Variants in TGM2 observed in about 807,000 individuals in gnomAD.
The protein encoded by TGM2 is protein-glutamine gamma-glutamyltransferase 2.
Under a neutral mutation model 75.6 loss-of-function variants are expected in TGM2, and 53 were observed. That is an observed-to-expected ratio of 0.70 (90% CI 0.56 to 0.88). TGM2 has a LOEUF of 0.88. Ranked by LOEUF, TGM2 falls within the 40% of genes least tolerant of loss-of-function variation. The probability of loss-of-function intolerance (pLI) is 0.00; values close to 1 mark genes in which losing one functional copy is unlikely to be tolerated. For missense variants in TGM2, 842 were observed against 928.5 expected (o/e 0.91, Z 1.21); for synonymous variants, 374 against 381.1 (o/e 0.98, Z 0.22).
chr20:38,132,835 G>A, intron 10 of TGM2: 1 of 471,602 alleles, frequency 2.1e-6, no homozygotes, highest in Non-Finnish European at 4.2e-6. Flanking sequence ...CACTCCTAAG[G>A]CTGTGGGAGG....
At chr20:38,167,248 C>G (rs1854758654), upstream of TGM2, among the ~76,000 whole-genome samples, 1 of 152,150 alleles carries the variant, frequency 6.6e-6, no homozygotes, top group South Asian at 2.1e-4. Flanking sequence ...TAGCCCTGCC[C>G]CAGATGAAAG....
intron 6 of TGM2, 97 bp from the exon 7 acceptor site, chr20:38,142,296 C>T: frequency 1.3e-6 from 2 of 1,572,794 alleles, no homozygotes; most frequent in Non-Finnish European, 1.7e-6. Flanking sequence ...AACACTGTAC[C>T]TGCTGTCCAA....
At chr20:38,146,100 C>T (rs16987159) in intron 6 of TGM2, 7,024 of 157,240 alleles carry the variant, frequency 0.045, 445 homozygotes, top group African/African-American at 0.15. Context: ...CAACAATCAT[C>T]GACATTTTCT....
chr20:38,156,046 T>G lies in TGM2; in HGVS notation c.234A>C (p.Pro78=). 1 of 1,613,788 alleles carries G rather than the reference T, an allele frequency of 6.2e-7. No homozygotes were observed. Among genetic ancestry groups the G allele is most frequent in the South Asian group, 1.1e-5 (1 of 90,954 alleles). The change falls in exon 3 of 13, where the codon CCA becomes CCC. Residue 78 remains proline (P), a synonymous_variant. Transcript: ENST00000361475. ...CACCCTCCTCCACAGCATCTCTTAG[T>G]GGAAAACGGGCCTTGGTCCCGGCCT... is the stretch of plus-strand genomic sequence containing the variant. ...SQEAGTKARF[P]LRDAVEEGDW...
At chr20:38,165,700 A>ACGCG (rs1555811740), upstream of TGM2, among the ~76,000 whole-genome samples, 1 of 147,918 alleles carries the variant, frequency 6.8e-6, no homozygotes, top group African/African-American at 2.5e-5. Flanking sequence ...ACACACACAC[A>ACGCG]CGCACACACT....
chr20:38,130,982 G>A (rs1405487104), intron 12 of TGM2, 111 bp downstream of exon 12: 58 of 1,538,952 alleles, frequency 3.8e-5, no homozygotes, highest in Non-Finnish European at 4.9e-5. Context: ...CTGTGTGGGA[G>A]ATGAGAGGAG....
intron 6 of TGM2, 104 bp downstream of exon 6, chr20:38,146,613 G>T: frequency 7.3e-7 from 1 of 1,372,384 alleles, no homozygotes; most frequent in Non-Finnish European, 1.0e-6. Context: ...TGAGAGTGTT[G>T]GTGGCAGGGG....
chr20:38,141,560 A>G (rs1241791739), intron 7 of TGM2, among the ~76,000 whole-genome samples, 175 bp from the exon 8 acceptor site: 1 of 149,152 alleles, frequency 6.7e-6, no homozygotes, highest in Non-Finnish European at 1.5e-5. Flanking sequence ...ATCTCACAGC[A>G]CCCTCTCTAG....
intron 1 of TGM2, 35 bp downstream of exon 1, chr20:38,165,154 C>T: frequency 6.2e-7 from 1 of 1,613,938 alleles, no homozygotes; most frequent in Admixed American, 1.7e-5. Context: ...GCCCCGGGGC[C>T]CCTGAGTGGC....
intron 3 of TGM2, among the ~76,000 whole-genome samples, chr20:38,151,656 G>T (rs1261096818): frequency 6.6e-6 from 1 of 152,214 alleles, no homozygotes; most frequent in Non-Finnish European, 1.5e-5. Context: ...GCCAAGAAAG[G>T]GTTCCTGCAG....
intron 4 of TGM2, among the ~76,000 whole-genome samples, chr20:38,149,620 A>G (rs1224036110): frequency 2.1e-5 from 3 of 142,682 alleles, no homozygotes; most frequent in African/African-American, 7.8e-5. Context: ...CAGATCTTGT[A>G]GTGAGCCGAG....
chr20:38,131,906 C>T (rs940403504), intron 11 of TGM2, among the ~76,000 whole-genome samples: 8 of 152,098 alleles, frequency 5.3e-5, no homozygotes, highest in Middle Eastern at 3.4e-3. Context: ...ATTATTAACC[C>T]CATGTTACAG....
At position 38,165,240 on chromosome 20, in the gene TGM2, C is replaced by A. The variant is rs150349694; in HGVS notation, c.-42G>T. On this transcript the variant is annotated 5_prime_UTR_variant, in exon 1 of 13. Coordinates refer to ENST00000361475, the MANE Select transcript of TGM2 (RefSeq NM_004613.4). ...TGGCTCCTTCCACTGGCGGCGAGAC[C>A]CTCCAAGTGCGACCACTGGCGGCTG... 3.2e-4 allele frequency: 515 copies of A among 1,611,782 alleles called. 3 individuals carry two copies. In the African/African-American group the frequency reaches 6.5e-3, roughly 20 times the overall value.
intron 10 of TGM2, among the ~76,000 whole-genome samples, chr20:38,135,368 C>A (rs1039647698): frequency 4.0e-5 from 6 of 150,588 alleles, no homozygotes; most frequent in Admixed American, 1.3e-4. Context: ...TCAATATATC[C>A]GTGTAACAAA....
At chr20:38,130,930 C>T (rs748194692) in intron 12 of TGM2, among the ~76,000 whole-genome samples, 163 bp downstream of exon 12, 9 of 152,126 alleles carry the variant, frequency 5.9e-5, no homozygotes, top group Admixed American at 3.3e-4. Context: ...GAGAATGTGA[C>T]GGTGGGAACT....
At chr20:38,148,512 C>T (rs550962575) in intron 4 of TGM2, among the ~76,000 whole-genome samples, 16 of 152,272 alleles carry the variant, frequency 1.1e-4, no homozygotes, top group Non-Finnish European at 1.8e-4. Context: ...TCAGCCCCCT[C>T]GTCCCCCTCC....
In TGM2 at chr20:38,128,967, G is replaced by A. The variant is rs2122833894; in HGVS notation, c.*1252C>T. ...GCGGGCAGGCTCATGGGTAGAGCAG[G>A]GGTGTCCAGGGCTCTTCTCCCCTAG... On this transcript the variant is annotated 3_prime_UTR_variant, in exon 13 of 13. Transcript: ENST00000361475. 6.6e-6 allele frequency: 1 copy of A among 152,652 alleles called. No individual in the cohort carries two copies. Among genetic ancestry groups the A allele is most frequent in the South Asian group, 2.1e-4 (1 of 4,834 alleles). 9.5% of individuals were successfully genotyped at this position (152,652 alleles called of 1,614,324 possible).
At chr20:38,130,527 T>C (rs1287706426) in intron 12 of TGM2, among the ~76,000 whole-genome samples, 158 bp from the exon 13 acceptor site, 1 of 152,164 alleles carries the variant, frequency 6.6e-6, no homozygotes, top group African/African-American at 2.4e-5. Context: ...CAATCTGCCC[T>C]CCTAGAGTGA....
At chr20:38,138,059 C>T (rs995453864) in intron 10 of TGM2, 54 bp downstream of exon 10, 3 of 1,534,348 alleles carry the variant, frequency 2.0e-6, no homozygotes, top group African/African-American at 2.7e-5. Context: ...AGGTCACTAC[C>T]TAGCATGTTG....
Sources: allele counts gnomAD v4.1 joint callset (sites outside exome capture counted in the v4.1 genomes callset), GRCh38; gene constraint gnomAD v4.1.1; transcripts MANE v1.5; gene names NCBI Gene and HGNC (gene_info 2026-07-23, HGNC 2026-07-21).